CFAP74: variants seen among roughly 807,000 people sequenced by gnomAD.
The protein encoded by CFAP74 is cilia and flagella associated protein 74.
CFAP74 carries 124 observed loss-of-function variants against 188.9 expected under a neutral mutation model. The ratio of observed to expected loss-of-function variants is 0.66; its 90% confidence interval spans 0.57 to 0.76. The LOEUF (loss-of-function observed/expected upper bound fraction) is 0.76. Among genes scored for constraint, CFAP74 ranks in the 30% least tolerant of loss-of-function variants. The probability of loss-of-function intolerance (pLI) is 0.00; values close to 1 mark genes in which losing one functional copy is unlikely to be tolerated. For synonymous variants in CFAP74, 956 were observed against 916.7 expected, an observed-to-expected ratio of 1.04 and a Z score of -0.77; for missense variants, 2,198 against 2,165.2, an observed-to-expected ratio of 1.02 and a Z score of -0.30.
At chr1:1,958,508 T>C (rs1038148157) in intron 16 of CFAP74, among the ~76,000 whole-genome samples, 2 of 152,172 alleles carry the variant, frequency 1.3e-5, no homozygotes, top group East Asian at 3.9e-4. Context: ...GCAGGTGCGG[T>C]GCGAGCTGAC....
chr1:1,927,293 C>T (rs960075022), intron 28 of CFAP74: 7 of 579,702 alleles, frequency 1.2e-5, no homozygotes, highest in South Asian at 6.4e-5. Flanking sequence ...AGCCATGTTC[C>T]TTCCCGGGGC....
At chr1:1,925,582 C>T (rs571993877) in intron 33 of CFAP74, among the ~76,000 whole-genome samples, 3 of 152,160 alleles carry the variant, frequency 2.0e-5, no homozygotes, top group Non-Finnish European at 4.4e-5. Flanking sequence ...CATCTGCAGC[C>T]TCCCCAGAAA....
intron 1 of CFAP74, among the ~76,000 whole-genome samples, chr1:2,000,180 A>C (rs1213183819): frequency 5.9e-5 from 9 of 152,246 alleles, no homozygotes; most frequent in Non-Finnish European, 1.3e-4. Flanking sequence ...AAGAAAAAAG[A>C]AAACCTACAA....
chr1:1,961,390 G>A (rs1479532877), intron 14 of CFAP74, among the ~76,000 whole-genome samples: 2 of 152,154 alleles, frequency 1.3e-5, no homozygotes, highest in Admixed American at 1.3e-4. Context: ...GCAAGCAGGC[G>A]GAAAGCCAGG....
intron 4 of CFAP74, among the ~76,000 whole-genome samples, chr1:1,987,788 C>T (rs1227550057): frequency 6.6e-6 from 1 of 152,186 alleles, no homozygotes; most frequent in Non-Finnish European, 1.5e-5. Flanking sequence ...GATCCACCCA[C>T]CTTGGCCTCC....
chr1:1,996,920 C>CAAAAAAAAAAAAAAAAAAA (rs200261557), intron 1 of CFAP74, among the ~76,000 whole-genome samples: 1 of 84,636 alleles, frequency 1.2e-5, no homozygotes, highest in Admixed American at 1.4e-4. Context: ...GACTCTGTCT[C>CAAAAAAAAAAAAAAAAAAA]AAAAAAAAAA....
Position 1,938,846 on chromosome 1 carries a change from C to T in CFAP74, c.3011+9G>A. 2.0e-6 allele frequency: 3 copies of T among 1,535,726 alleles called. No individual in the cohort carries two copies. Among genetic ancestry groups the T allele is most frequent in the South Asian group, 1.2e-5 (1 of 84,050 alleles). On this transcript the variant is annotated intron_variant, in intron 25 of 38. Transcript: ENST00000682832. Reference sequence around the variant, plus strand: ...GGCCCCCTGCGTCCCCTCTCCCTGGCAGGCTCACCGGTTGATCTCAGACTT... The same window carrying T: ...GGCCCCCTGCGTCCCCTCTCCCTGGTAGGCTCACCGGTTGATCTCAGACTT...
At chr1:1,929,714 C>T (rs1357722788) in intron 26 of CFAP74, among the ~76,000 whole-genome samples, 7 of 151,936 alleles carry the variant, frequency 4.6e-5, no homozygotes, top group Admixed American at 2.6e-4. Context: ...AGTCGGCCTG[C>T]GAGGTCCACA....
intron 6 of CFAP74, 117 bp downstream of exon 6, chr1:1,985,269 C>T (rs769824025): frequency 1.5e-4 from 119 of 794,694 alleles, no homozygotes; most frequent in Non-Finnish European, 2.3e-4. Flanking sequence ...TCCACTTCCC[C>T]GCAGTTTGCC....
intron 37 of CFAP74, 37 bp downstream of exon 37, chr1:1,922,948 G>A (rs920302977): frequency 6.5e-7 from 1 of 1,538,574 alleles, no homozygotes; most frequent in African/African-American, 1.4e-5. Flanking sequence ...AGGCCGAGGG[G>A]GCTGCCTGGT....
At position 1,940,460 on chromosome 1, in the gene CFAP74, A is replaced by T. The variant is rs1434960563; in HGVS notation, c.2616-57T>A. 2.4e-6 allele frequency: 3 copies of T among 1,230,534 alleles called. No individual in the cohort carries two copies. The African/African-American group carries it at 4.5e-5, about 19-fold the overall frequency. The allele number at this position is 1,230,534 out of a possible 1,614,324, so 76.2% of individuals were successfully genotyped here. Reference sequence around the variant, plus strand: ...CCTCTTTCCATTTTGTGAAATGACAATAAGACCCACTGTCACTGGTGCTTC... The same window carrying T: ...CCTCTTTCCATTTTGTGAAATGACATTAAGACCCACTGTCACTGGTGCTTC... On this transcript the variant is annotated intron_variant, in intron 22 of 38. Coordinates refer to ENST00000682832, the MANE Select transcript of CFAP74 (RefSeq NM_001304360.2).
chr1:1,992,107 T>C (rs867013186), intron 1 of CFAP74, among the ~76,000 whole-genome samples: 1 of 151,968 alleles, frequency 6.6e-6, no homozygotes, highest in South Asian at 2.1e-4. Context: ...ATGGAAGGGC[T>C]GGCATCGTCA....
intron 25 of CFAP74, among the ~76,000 whole-genome samples, chr1:1,934,596 C>T (rs1054956367): frequency 6.8e-5 from 10 of 146,748 alleles, no homozygotes; most frequent in African/African-American, 1.8e-4. Context: ...TATAGGTACA[C>T]GTGTGTATGT....
At chr1:1,933,185 CTTTTT>C (rs897460590) in intron 25 of CFAP74, among the ~76,000 whole-genome samples, 2 of 133,214 alleles carry the variant, frequency 1.5e-5, no homozygotes, top group African/African-American at 5.6e-5. Context: ...CGTGCCTGAC[CTTTTT>C]TTTTTTTTTT....
In CFAP74 at chr1:1,971,882, G is replaced by T. The variant is rs542879248; in HGVS notation, c.888+98C>A. On this transcript the variant is annotated intron_variant, in intron 9 of 38. Coordinates refer to ENST00000682832, the MANE Select transcript of CFAP74 (RefSeq NM_001304360.2). ...CCAAGTGCGCGGGTCAGCCCTGGAC[G>T]CCAGAGGACACGGGCCTGGCTCCCA... is the stretch of plus-strand genomic sequence containing the variant. 5.4e-5 allele frequency: 50 copies of T among 932,032 alleles called. 1 individual carries two copies. The highest frequency in any genetic ancestry group is 8.3e-5 in the Non-Finnish European group (49 of 589,674). The allele number at this position is 932,032 out of a possible 1,614,324, so 57.7% of individuals were successfully genotyped here. A position where few individuals can be genotyped will look rare whatever the true frequency, so the allele number is the denominator to read the frequency against.
At chr1:1,967,992 G>C (rs990103758) in intron 11 of CFAP74, among the ~76,000 whole-genome samples, 1 of 138,022 alleles carries the variant, frequency 7.2e-6, no homozygotes, top group African/African-American at 2.6e-5. Flanking sequence ...GAATGAATGA[G>C]TGAATGAGTG....
chr1:1,923,672 A>G lies in CFAP74; in HGVS notation c.4389+103T>C, dbSNP rs1314804802. On this transcript the variant is annotated intron_variant, in intron 35 of 38. Transcript: ENST00000682832. The surrounding 1 kb of genome is among the most constrained non-coding windows in gnomAD (Gnocchi z 6.3). ...CAGTGTGGTGCTGAGTCCCCCAGCC[A>G]TGGTACCCTCAGGGCCTCCAAAGTG... 10 of 1,568,142 alleles carry G rather than the reference A, an allele frequency of 6.4e-6. No individual in the cohort carries two copies. Among genetic ancestry groups the G allele is most frequent in the Admixed American group, 3.4e-5 (2 of 58,536 alleles).
rs560477728 is a variant in CFAP74, at chr1:1,987,022, C to G, written c.310G>C (p.Ala104Pro). 2.5e-6 allele frequency: 4 copies of G among 1,597,920 alleles called. No homozygotes were observed. The highest frequency in any genetic ancestry group is 1.7e-5 in the Admixed American group (1 of 59,856). The stretch of plus-strand genomic sequence containing the variant: ...ATCAGGTCCCGCCTCTGCCGACAGG[C>G]GCGCAGCTCCCCTCTGGAACAGGGA... ...FTEKMRGELR[A>P]CRQRRDLIDK... is the part of the protein sequence containing the mutation. Residue 104 changes from alanine (A) to proline (P), a missense_variant, in exon 5 of 39, where the codon GCC becomes CCC. Ala to Pro is a conservative substitution (Grantham distance 27). Coordinates refer to ENST00000682832, the MANE Select transcript of CFAP74 (RefSeq NM_001304360.2).
intron 18 of CFAP74, among the ~76,000 whole-genome samples, chr1:1,947,774 C>T (rs925021546): frequency 7.2e-5 from 11 of 152,350 alleles, no homozygotes; most frequent in Middle Eastern, 3.4e-3. Flanking sequence ...CCGGGCTCAG[C>T]GTCTGGACGG....
Sources: allele counts gnomAD v4.1 joint callset (sites outside exome capture counted in the v4.1 genomes callset), GRCh38; gene constraint gnomAD v4.1.1; non-coding constraint Gnocchi (gnomAD v3.1); transcripts MANE v1.5; gene names NCBI Gene and HGNC (gene_info 2026-07-23, HGNC 2026-07-21).